The following TENM3 variants were observed in gnomAD, a reference collection of about 807,000 sequenced individuals.
TENM3 encodes the protein teneurin transmembrane protein 3.
Under a neutral mutation model 255.1 loss-of-function variants are expected in TENM3, and 63 were observed. The ratio of observed to expected loss-of-function variants is 0.25; its 90% confidence interval spans 0.20 to 0.30. The LOEUF (loss-of-function observed/expected upper bound fraction) is 0.30. Ranked by LOEUF, TENM3 falls within the 10% of genes least tolerant of loss-of-function variation. The pLI is 1.00. For missense variants in TENM3, 2,929 were observed against 3,461.1 expected, an observed-to-expected ratio of 0.85 and a Z score of 3.86; for synonymous variants, 1,306 against 1,322.3, an observed-to-expected ratio of 0.99 and a Z score of 0.27.
Position 182,789,200 on chromosome 4 carries a change from T to G in TENM3, c.5412T>G (p.Ser1804=), listed in dbSNP as rs1765911296. The stretch of plus-strand genomic sequence containing the variant: ...TACTGAGGATCGCCTACGACACGTC[T>G]GGGCACCCGACTCTCTGGCTGCCAA... ...KFLLRIAYDT[S]GHPTLWLPSS... Residue 1804 remains serine (S), a synonymous_variant, in exon 25 of 28, where the codon TCT becomes TCG. Coordinates refer to ENST00000511685, the MANE Select transcript of TENM3 (RefSeq NM_001080477.4). The surrounding 1 kb of genome is among the most constrained non-coding windows in gnomAD (Gnocchi z 4.4). 1 of 1,613,060 alleles carries G rather than the reference T, an allele frequency of 6.2e-7. No homozygotes were observed. Among genetic ancestry groups the G allele is most frequent in the Non-Finnish European group, 8.5e-7 (1 of 1,179,584 alleles).
chr4:181,712,692 G>T, the TENM3 span, among the ~76,000 whole-genome samples: 1 of 152,094 alleles, frequency 6.6e-6, no homozygotes, highest in Non-Finnish European at 1.5e-5. Flanking sequence ...AGTGCAGTGG[G>T]ACTGCAGTTT....
chr4:182,075,429 A>T, the TENM3 span, among the ~76,000 whole-genome samples: 1 of 151,872 alleles, frequency 6.6e-6, no homozygotes, highest in Non-Finnish European at 1.5e-5. Flanking sequence ...CGATCTCCTG[A>T]CCTAGTGATC....
intron 1 of TENM3, among the ~76,000 whole-genome samples, chr4:182,317,953 C>T (rs1762841250): frequency 6.6e-6 from 1 of 151,992 alleles, no homozygotes. Flanking sequence ...AGTGAAAATA[C>T]AAATTGTGAG....
chr4:182,155,361 A>C (rs140002876), intron 1 of TENM3, among the ~76,000 whole-genome samples: 3 of 152,252 alleles, frequency 2.0e-5, no homozygotes, highest in African/African-American at 4.8e-5. Flanking sequence ...ACTCATTGAA[A>C]CATACAATCA....
At chr4:182,621,661 A>G (rs534613941) in intron 4 of TENM3, among the ~76,000 whole-genome samples, 3 of 45,880 alleles carry the variant, frequency 6.5e-5, no homozygotes, top group Admixed American at 2.1e-4. Flanking sequence ...ATAATATATA[A>G]TATGTATTAT....
In TENM3 at chr4:182,754,921, T is replaced by C. The variant is rs765652477; in HGVS notation, c.4554T>C (p.Asp1518=). 5 of 1,613,942 alleles carry C rather than the reference T, an allele frequency of 3.1e-6. No individual in the cohort carries two copies. The Admixed American group carries it at 8.3e-5, about 27-fold the overall frequency. ...MNFYEVASPT[D]QELYIFDING... ...TCTATGAAGTTGCGTCTCCAACTGA[T>C]CAAGAACTCTACATCTTTGACATCA... Residue 1518 remains aspartate (D), a synonymous_variant, in exon 22 of 28, where the codon GAT becomes GAC. Transcript: ENST00000511685. The surrounding 1 kb of genome is among the most constrained non-coding windows in gnomAD (Gnocchi z 5.1).
chr4:181,689,140 A>C, the TENM3 span, among the ~76,000 whole-genome samples: 2 of 152,312 alleles, frequency 1.3e-5, no homozygotes, highest in East Asian at 3.9e-4. Flanking sequence ...ACGCCGCCCC[A>C]CATGCAGAAC....
the TENM3 span, among the ~76,000 whole-genome samples, chr4:181,755,253 T>C: frequency 1.3e-5 from 2 of 152,144 alleles, no homozygotes; most frequent in African/African-American, 4.8e-5. Flanking sequence ...ACTTGCAGAG[T>C]ATTCAGTTAG....
the TENM3 span, among the ~76,000 whole-genome samples, chr4:181,847,708 G>A: frequency 6.6e-6 from 1 of 151,624 alleles, no homozygotes; most frequent in African/African-American, 2.4e-5. Context: ...TAAATTATAT[G>A]TATTTTGGCA....
At chr4:182,784,802 G>C (rs1335374678) in intron 24 of TENM3, among the ~76,000 whole-genome samples, 1 of 152,272 alleles carries the variant, frequency 6.6e-6, no homozygotes, top group African/African-American at 2.4e-5. Context: ...ATTCGGGTGG[G>C]AGTGACCCGA....
the TENM3 span, among the ~76,000 whole-genome samples, chr4:181,951,114 T>C: frequency 6.6e-6 from 1 of 152,192 alleles, no homozygotes. Context: ...AAATCTTAAT[T>C]TGGATAATGT....
At chr4:182,592,689 T>C (rs2152391749) in intron 3 of TENM3, among the ~76,000 whole-genome samples, 1 of 151,144 alleles carries the variant, frequency 6.6e-6, no homozygotes, top group African/African-American at 2.4e-5. Flanking sequence ...CACTCCAGCC[T>C]GGGCCACAGA....
Position 182,800,454 on chromosome 4 carries a change from A to G in TENM3, c.*103A>G. The G allele has an allele frequency of 7.3e-7, 1 of 1,361,748 alleles. No individual in the cohort carries two copies. Among genetic ancestry groups the G allele is most frequent in the Non-Finnish European group, 9.7e-7 (1 of 1,030,514 alleles). 84.4% of individuals were successfully genotyped at this position (1,361,748 alleles called of 1,614,324 possible). ...CGCCCAAGAGCCTTCCTCCCGGGGG[A>G]ATGAGACTGCTGTTACGACCCACAC... On this transcript the variant is annotated 3_prime_UTR_variant, in exon 28 of 28. Transcript: ENST00000511685.
the TENM3 span, among the ~76,000 whole-genome samples, chr4:181,534,984 C>A: frequency 6.6e-6 from 1 of 152,190 alleles, no homozygotes; most frequent in East Asian, 1.9e-4. Flanking sequence ...ATAGCTCTAG[C>A]ACCCTGCTTG....
At chr4:181,879,898 T>A in the TENM3 span, among the ~76,000 whole-genome samples, 1 of 152,320 alleles carries the variant, frequency 6.6e-6, no homozygotes, top group East Asian at 1.9e-4. Flanking sequence ...GTGTTTTTTT[T>A]AACATGTTCA....
chr4:181,631,434 C>T, the TENM3 span, among the ~76,000 whole-genome samples: 4 of 152,114 alleles, frequency 2.6e-5, no homozygotes, highest in Non-Finnish European at 5.9e-5. Context: ...AGATTACAGG[C>T]ATGCCCCACC....
chr4:181,629,507 T>C, the TENM3 span, among the ~76,000 whole-genome samples: 1 of 152,140 alleles, frequency 6.6e-6, no homozygotes, highest in Non-Finnish European at 1.5e-5. Flanking sequence ...TTGAGATACG[T>C]CCATCAATAC....
At chr4:181,731,669 T>C in the TENM3 span, among the ~76,000 whole-genome samples, 2 of 152,348 alleles carry the variant, frequency 1.3e-5, no homozygotes, top group African/African-American at 4.8e-5. Context: ...TGTCTTATTT[T>C]AAATTAAATG....
chr4:181,577,059 ATATAT>A, the TENM3 span, among the ~76,000 whole-genome samples: 5 of 116,086 alleles, frequency 4.3e-5, no homozygotes, highest in Non-Finnish European at 8.9e-5. Context: ...ATAATAAATT[ATATAT>A]TATATATAAA....
Sources: allele counts gnomAD v4.1 joint callset (sites outside exome capture counted in the v4.1 genomes callset), GRCh38; gene constraint gnomAD v4.1.1; non-coding constraint Gnocchi (gnomAD v3.1); transcripts MANE v1.5; gene names NCBI Gene and HGNC (gene_info 2026-07-23, HGNC 2026-07-21).